TOX2: variants seen among roughly 807,000 people sequenced by gnomAD.
TOX2 encodes granulosa cell HMG box 1.
A neutral mutation model predicts 47.4 loss-of-function variants in TOX2; 15 were observed. The ratio of observed to expected loss-of-function variants is 0.32; its 90% CI spans 0.21 to 0.49. TOX2 has a LOEUF of 0.49. Among genes scored for constraint, TOX2 ranks in the 20% least tolerant of loss-of-function variants. The pLI is 0.99. For missense variants in TOX2, 622 were observed against 673.1 expected, an observed-to-expected ratio of 0.92 and a Z score of 0.84; for synonymous variants, 290 against 296.6, an observed-to-expected ratio of 0.98 and a Z score of 0.23.
rs374533657 is a variant in TOX2, at chr20:44,024,576, A to T, written c.411+17784A>T. On this transcript the variant is annotated intron_variant, in intron 3 of 8. Coordinates refer to ENST00000341197, the MANE Select transcript of TOX2 (RefSeq NM_001098797.2). Reference sequence around the variant, plus strand: ...ATAAATTTTGAAATGAAGTCTTCTTACATCTTTTACTTTCTTCCCAAAGCA... The same window carrying T: ...ATAAATTTTGAAATGAAGTCTTCTTTCATCTTTTACTTTCTTCCCAAAGCA... 9.2e-5 allele frequency among the ~76,000 whole-genome samples: 14 copies of T among 152,240 alleles called. No individual in the cohort carries two copies. In the East Asian group the frequency reaches 1.9e-3, roughly 21 times the overall value.
rs752223317 is a variant in TOX2 at position 44,006,734 on chromosome 20, T to C, written c.353T>C (p.Ile118Thr). 2 of 1,614,090 alleles carry C rather than the reference T, an allele frequency of 1.2e-6. No individual in the cohort carries two copies. The highest frequency in any genetic ancestry group is 4.5e-5 in the East Asian group (2 of 44,866). Residue 118 changes from isoleucine to threonine, a missense_variant, in exon 3 of 9, where the codon ATC becomes ACC. Transcript: ENST00000341197. ...TATCAGGCCATGGACCTCCCAGCCA[T>C]CATGGTGTCCAACATGCTAGCACAG... ...YSYQAMDLPAIMVSNMLAQDS... is the reference protein window; with the variant it reads ...YSYQAMDLPATMVSNMLAQDS...
intron 2 of TOX2, among the ~76,000 whole-genome samples, chr20:43,992,525 A>T (rs999059474): frequency 2.0e-5 from 3 of 152,152 alleles, no homozygotes; most frequent in Non-Finnish European, 4.4e-5. Flanking sequence ...TGGGAAACTC[A>T]TGTGGCGTAA....
Position 43,985,114 on chromosome 20 carries a change from C to T in TOX2, c.165+11682C>T, listed in dbSNP as rs77710733. On this transcript the variant is annotated intron_variant, in intron 2 of 8. Transcript: ENST00000341197. ...TTCTGGAGGGTCAGGATCCTGGTTC[C>T]GGCCCCTCCTCAGCCTCTCTCCCTG... Among the ~76,000 whole-genome samples, 896 of 152,256 alleles carry T rather than the reference C, an allele frequency of 5.9e-3. 11 individuals carry two copies. Among genetic ancestry groups the T allele is most frequent in the African/African-American group, 0.021 (863 of 41,546 alleles).
intron 3 of TOX2, among the ~76,000 whole-genome samples, chr20:44,020,702 C>CA (rs758200840): frequency 3.3e-5 from 5 of 152,180 alleles, no homozygotes; most frequent in Non-Finnish European, 5.9e-5. Flanking sequence ...CTGGGAGACT[C>CA]GGCTGGGCCC....
At chr20:43,927,990 G>A (rs2069199807) in intron 1 of TOX2, among the ~76,000 whole-genome samples, 1 of 152,190 alleles carries the variant, frequency 6.6e-6, no homozygotes, top group African/African-American at 2.4e-5. Context: ...ACAGGGGAGT[G>A]TGGGACCACC....
At chr20:44,057,375 C>CATA (rs1412092851) in intron 5 of TOX2, among the ~76,000 whole-genome samples, 1 of 152,202 alleles carries the variant, frequency 6.6e-6, no homozygotes, top group Non-Finnish European at 1.5e-5. Flanking sequence ...CACTATTAAG[C>CATA]ATAAGGCTGG....
chr20:44,051,171 C>T (rs2071502097), intron 3 of TOX2, 135 bp from the exon 4 acceptor site: 4 of 1,315,186 alleles, frequency 3.0e-6, no homozygotes, highest in Non-Finnish European at 4.1e-6. Flanking sequence ...TTGAGATTCA[C>T]CTGTCAGGGA....
chr20:44,066,184 C>T (rs2071818810), intron 7 of TOX2, 77 bp downstream of exon 7: 2 of 1,410,338 alleles, frequency 1.4e-6, no homozygotes, highest in Non-Finnish European at 1.9e-6. Context: ...CAAACCCTGG[C>T]CCTGCCACTC....
chr20:43,988,353 C>T (rs968693365), intron 2 of TOX2, among the ~76,000 whole-genome samples: 1 of 152,212 alleles, frequency 6.6e-6, no homozygotes, highest in African/African-American at 2.4e-5. Context: ...ACAGACAACA[C>T]ACATGCTTGT....
chr20:44,010,980 C>T (rs1458481536), intron 3 of TOX2, among the ~76,000 whole-genome samples: 1 of 152,170 alleles, frequency 6.6e-6, no homozygotes, highest in Non-Finnish European at 1.5e-5. Context: ...CTCGCTTCTC[C>T]TCCGGCTCCT....
chr20:43,947,327 G>A (rs914638221), intron 1 of TOX2, among the ~76,000 whole-genome samples: 5 of 152,194 alleles, frequency 3.3e-5, no homozygotes, highest in South Asian at 2.1e-4. Flanking sequence ...AAGCATTTAC[G>A]TGTGTTCATG....
At position 43,934,360 on chromosome 20, in the gene TOX2, A is replaced by G. The variant is rs144998827; in HGVS notation, c.99+19370A>G. 5.9e-5 allele frequency among the ~76,000 whole-genome samples: 9 copies of G among 152,190 alleles called. No homozygotes were observed. In the East Asian group the frequency reaches 1.7e-3, roughly 29 times the overall value. On this transcript the variant is annotated intron_variant, in intron 1 of 8. Transcript: ENST00000341197. ...GGTATTTCACTTACGTTATTTATTTAATCTTCACAACAATCCTATGTAGAA... is the reference window on the plus strand; with the variant it reads ...GGTATTTCACTTACGTTATTTATTTGATCTTCACAACAATCCTATGTAGAA...
chr20:43,949,161 A>G (rs2069517374), intron 1 of TOX2, among the ~76,000 whole-genome samples: 1 of 152,124 alleles, frequency 6.6e-6, no homozygotes, highest in African/African-American at 2.4e-5. Context: ...CTTTTTATAT[A>G]TGACTGTCCA....
intron 1 of TOX2, among the ~76,000 whole-genome samples, chr20:43,920,545 T>A (rs1215092692): frequency 2.0e-5 from 3 of 152,124 alleles, no homozygotes; most frequent in Non-Finnish European, 4.4e-5. Flanking sequence ...TAGGAAGCTC[T>A]CATTTACTTT....
rs944838932 is a variant in TOX2, at chr20:44,065,845, G to A, written c.1094G>A (p.Arg365His). 8 of 1,613,764 alleles carry A rather than the reference G, an allele frequency of 5.0e-6. No homozygotes were observed. Among genetic ancestry groups the A allele is most frequent in the South Asian group, 1.1e-5 (1 of 91,062 alleles). ...FLTPSDLQAF[R>H]SGASPASLAR... Reference sequence around the variant, plus strand: ...ACGCCGTCGGACCTGCAGGCCTTCCGCAGTGGGGCCTCCCCTGCCAGCCTC... The same window carrying A: ...ACGCCGTCGGACCTGCAGGCCTTCCACAGTGGGGCCTCCCCTGCCAGCCTC... The change falls in exon 7 of 9, where the codon CGC becomes CAC. Residue 365 changes from arginine (R) to histidine (H), a missense_variant. Around this residue, in one of 3 missense-constraint regions of TOX2, gnomAD observed 294 missense variants for 300.0 expected, o/e 0.98. Transcript: ENST00000341197.
chr20:43,924,788 A>C (rs887613945), intron 1 of TOX2, among the ~76,000 whole-genome samples: 1 of 152,066 alleles, frequency 6.6e-6, no homozygotes, highest in African/African-American at 2.4e-5. Flanking sequence ...TTAAAAATTG[A>C]TTTTGCTCTT....
intron 3 of TOX2, among the ~76,000 whole-genome samples, chr20:44,050,410 A>G (rs1380168211): frequency 6.6e-6 from 1 of 152,260 alleles, no homozygotes; most frequent in Non-Finnish European, 1.5e-5. Context: ...AATGGGAGAA[A>G]AACAGATACT....
rs181703577 is a variant in TOX2 at position 43,932,730 on chromosome 20, G to A, written c.99+17740G>A. Among the ~76,000 whole-genome samples the A allele has an allele frequency of 4.6e-5, 7 of 151,946 alleles. No individual in the cohort carries two copies. The East Asian group carries it at 9.7e-4, about 21-fold the overall frequency. On this transcript the variant is annotated intron_variant, in intron 1 of 8. Coordinates refer to ENST00000341197, the MANE Select transcript of TOX2 (RefSeq NM_001098797.2). ...GGGCTCACACCAGGATTGGGGGCCC[G>A]CACCCTGGGTTGGGTGAAGGCAAGG...
chr20:44,043,841 G>C (rs1417155679), intron 3 of TOX2, among the ~76,000 whole-genome samples: 2 of 152,220 alleles, frequency 1.3e-5, no homozygotes, highest in East Asian at 3.8e-4. Context: ...GTTCAAAGGT[G>C]AATCTGAAGA....
Sources: gnomAD v4.1 joint callset for allele counts (sites outside exome capture counted in the v4.1 genomes callset) on GRCh38, gnomAD v4.1.1 for gene constraint, gnomAD v4.1.1 regional missense constraint, MANE v1.5 for transcripts, NCBI Gene and HGNC (gene_info 2026-07-23, HGNC 2026-07-21) for gene names.